The following DPYSL5 variants were observed in gnomAD, a reference collection of about 807,000 sequenced individuals.
DPYSL5 encodes the protein dihydropyrimidinase-related protein 5.
In DPYSL5, 9 loss-of-function variants were observed where a neutral mutation model predicts 58.4. The ratio of observed to expected loss-of-function variants is 0.15; its 90% confidence interval spans 0.09 to 0.27. The LOEUF (loss-of-function observed/expected upper bound fraction) is 0.27. DPYSL5 is among the 10% of genes least tolerant of loss of function. DPYSL5 has a pLI of 1.00. For synonymous variants in DPYSL5, 293 were observed against 301.9 expected, an observed-to-expected ratio of 0.97 and a Z score of 0.31; for missense variants, 499 against 770.6, an observed-to-expected ratio of 0.65 and a Z score of 4.17.
At chr2:26,881,410 A>G (rs1048914627) in intron 1 of DPYSL5, among the ~76,000 whole-genome samples, 2 of 152,110 alleles carry the variant, frequency 1.3e-5, no homozygotes, top group African/African-American at 2.4e-5. Context: ...GAGTCTCAGG[A>G]TCAAGGTCAC....
intron 1 of DPYSL5, among the ~76,000 whole-genome samples, chr2:26,851,486 C>T (rs536466776): frequency 1.1e-3 from 164 of 152,300 alleles, no homozygotes; most frequent in Non-Finnish European, 2.1e-3. Flanking sequence ...CAGGACTTGG[C>T]GTAAACTTCA....
At chr2:26,857,455 G>A (rs868338378) in intron 1 of DPYSL5, among the ~76,000 whole-genome samples, 2 of 151,868 alleles carry the variant, frequency 1.3e-5, no homozygotes, top group African/African-American at 2.4e-5. Context: ...CAGGAGAATC[G>A]CTTGAACCCG....
intron 5 of DPYSL5, among the ~76,000 whole-genome samples, chr2:26,931,007 C>T (rs1368123590): frequency 2.0e-5 from 3 of 148,008 alleles, no homozygotes; most frequent in Admixed American, 6.7e-5. Flanking sequence ...AGCATGGTAG[C>T]GCATGCCTGT....
chr2:26,933,232 T>A lies in DPYSL5; in HGVS notation c.715-26T>A, dbSNP rs184784357. 397 of 1,610,174 alleles carry A rather than the reference T, an allele frequency of 2.5e-4. No homozygotes were observed. The highest frequency in any genetic ancestry group is 5.0e-4 in the Admixed American group (30 of 60,016). ...GTGAAGTTTATGGGTCAACCCTCCC[T>A]ACTTCCCACTGTTTCTTGTGTTTAG... is the stretch of plus-strand genomic sequence containing the variant. On this transcript the variant is annotated intron_variant, in intron 6 of 12. Coordinates refer to ENST00000288699, the MANE Select transcript of DPYSL5 (RefSeq NM_020134.4). This position sits in a 1 kb window ranked among gnomAD's most constrained non-coding sequence, Gnocchi z 4.2.
chr2:26,884,207 C>T (rs1663648630), intron 1 of DPYSL5, among the ~76,000 whole-genome samples: 1 of 152,202 alleles, frequency 6.6e-6, no homozygotes, highest in African/African-American at 2.4e-5. Flanking sequence ...CCTCTGGTCA[C>T]AGACGCTTGT....
At chr2:26,941,849 C>G (rs890710699) in intron 9 of DPYSL5, 101 bp from the exon 10 acceptor site, 2 of 1,507,392 alleles carry the variant, frequency 1.3e-6, no homozygotes, top group Admixed American at 3.6e-5. Flanking sequence ...ACTGTCCTGA[C>G]CACCTAAGCC....
At chr2:26,856,122 A>G (rs1665871446) in intron 1 of DPYSL5, among the ~76,000 whole-genome samples, 1 of 152,206 alleles carries the variant, frequency 6.6e-6, no homozygotes. Flanking sequence ...TGAGAAGTGT[A>G]CAAACCATAA....
At chr2:26,858,319 G>A (rs908937833) in intron 1 of DPYSL5, among the ~76,000 whole-genome samples, 2 of 151,524 alleles carry the variant, frequency 1.3e-5, no homozygotes, top group Non-Finnish European at 2.9e-5. Flanking sequence ...CTACAGGCAC[G>A]CGCCACCAAG....
chr2:26,871,668 T>C (rs1663265611), intron 1 of DPYSL5, among the ~76,000 whole-genome samples: 1 of 152,160 alleles, frequency 6.6e-6, no homozygotes, highest in Admixed American at 6.5e-5. Flanking sequence ...CTTGAACTCC[T>C]GGCTTCAAGT....
Position 26,942,115 on chromosome 2 carries a change from A to G in DPYSL5, c.1232+23A>G. Reference sequence around the variant, plus strand: ...AAAGTAAAGTTTGTTGCTCGTCCCCAGGGCTAGAGGGGCTTGGGATTTTGA... The same window carrying G: ...AAAGTAAAGTTTGTTGCTCGTCCCCGGGGCTAGAGGGGCTTGGGATTTTGA... On this transcript the variant is annotated intron_variant, in intron 10 of 12. Coordinates refer to ENST00000288699, the MANE Select transcript of DPYSL5 (RefSeq NM_020134.4). This position sits in a 1 kb window ranked among gnomAD's most constrained non-coding sequence, Gnocchi z 5.9. 1.2e-6 allele frequency: 2 copies of G among 1,611,948 alleles called. No homozygotes were observed. The highest frequency in any genetic ancestry group is 1.7e-6 in the Non-Finnish European group (2 of 1,179,116).
At chr2:26,855,741 G>T (rs1665863630) in intron 1 of DPYSL5, among the ~76,000 whole-genome samples, 8 of 152,056 alleles carry the variant, frequency 5.3e-5, no homozygotes, top group Admixed American at 5.2e-4. Flanking sequence ...AAATTCTCAC[G>T]CCTTGGGTCT....
intron 1 of DPYSL5, among the ~76,000 whole-genome samples, chr2:26,862,386 G>T (rs925990000): frequency 3.9e-5 from 6 of 152,144 alleles, no homozygotes; most frequent in Non-Finnish European, 7.4e-5. Flanking sequence ...TCACTTGGGT[G>T]GTCATATAAT....
chr2:26,874,407 A>T (rs1663354617), intron 1 of DPYSL5, among the ~76,000 whole-genome samples: 2 of 152,154 alleles, frequency 1.3e-5, no homozygotes, highest in Non-Finnish European at 2.9e-5. Flanking sequence ...TCTATGATCC[A>T]TTTAAGTCCA....
intron 1 of DPYSL5, among the ~76,000 whole-genome samples, chr2:26,884,132 A>G (rs547915108): frequency 6.6e-6 from 1 of 152,296 alleles, no homozygotes; most frequent in South Asian, 2.1e-4. Context: ...GAAGCACAGC[A>G]GGGCTGAGTT....
chr2:26,918,960 T>C (rs1451816134), intron 2 of DPYSL5, among the ~76,000 whole-genome samples: 1 of 152,152 alleles, frequency 6.6e-6, no homozygotes, highest in Non-Finnish European at 1.5e-5. Context: ...CCAAATCTTG[T>C]GGGCAGGGTT....
chr2:26,942,144 A>C lies in DPYSL5; in HGVS notation c.1232+52A>C, dbSNP rs753111239. Reference sequence around the variant, plus strand: ...CTAGAGGGGCTTGGGATTTTGAAGAAGACTTGCATTACAGATCTCCAAAAG... The same window carrying C: ...CTAGAGGGGCTTGGGATTTTGAAGACGACTTGCATTACAGATCTCCAAAAG... On this transcript the variant is annotated intron_variant, in intron 10 of 12. Transcript: ENST00000288699. The surrounding 1 kb of genome is among the most constrained non-coding windows in gnomAD (Gnocchi z 5.9). 3 of 1,607,252 alleles carry C rather than the reference A, an allele frequency of 1.9e-6. No homozygotes were observed. The highest frequency in any genetic ancestry group is 2.5e-6 in the Non-Finnish European group (3 of 1,176,616).
Position 26,927,162 on chromosome 2 carries a change from C to T in DPYSL5, c.421-91C>T. 2.2e-6 allele frequency: 3 copies of T among 1,360,996 alleles called. No homozygotes were observed. Among genetic ancestry groups the T allele is most frequent in the Non-Finnish European group, 2.0e-6 (2 of 999,054 alleles). The allele number at this position is 1,360,996 out of a possible 1,614,324, so 84.3% of individuals were successfully genotyped here. A position where few individuals can be genotyped will look rare whatever the true frequency, so the allele number is the denominator to read the frequency against. On this transcript the variant is annotated intron_variant, in intron 3 of 12. Coordinates refer to ENST00000288699, the MANE Select transcript of DPYSL5 (RefSeq NM_020134.4). This position sits in a 1 kb window ranked among gnomAD's most constrained non-coding sequence, Gnocchi z 4.3. ...ACCGACAGACTGAGCTGGGGCAGGC[C>T]CCACATCTCCCCCATGCTGGGCCGG... is the stretch of plus-strand genomic sequence containing the variant.
chr2:26,848,470 C>T (rs1395846477), intron 1 of DPYSL5: 2 of 152,398 alleles, frequency 1.3e-5, no homozygotes, highest in Non-Finnish European at 2.9e-5. Flanking sequence ...TGTACGCCCG[C>T]GAAGCGCCGT....
chr2:26,878,380 C>T (rs1012216052), intron 1 of DPYSL5, among the ~76,000 whole-genome samples: 5 of 152,102 alleles, frequency 3.3e-5, no homozygotes, highest in Non-Finnish European at 7.4e-5. Context: ...AGCGCTATTA[C>T]ATATAAATAT....
Sources: gnomAD v4.1 joint callset for allele counts (sites outside exome capture counted in the v4.1 genomes callset) on GRCh38, gnomAD v4.1.1 for gene constraint, Gnocchi (gnomAD v3.1) non-coding constraint, MANE v1.5 for transcripts, NCBI Gene and HGNC (gene_info 2026-07-23, HGNC 2026-07-21) for gene names.